Variants in DACH2 observed in about 807,000 individuals in gnomAD.
DACH2 encodes dachshund family transcription factor 2, also known as dachshund homolog 2.
DACH2 carries 17 observed loss-of-function variants against 35.8 expected under a neutral mutation model. The ratio of observed to expected loss-of-function variants is 0.48; its 90% confidence interval spans 0.33 to 0.71. The LOEUF is 0.71. DACH2 is among the 30% of genes least tolerant of loss of function. DACH2 has a pLI of 0.02. For synonymous variants in DACH2, 195 were observed against 177.3 expected (o/e 1.10, Z -0.79); for missense variants, 469 against 472.7 (o/e 0.99, Z 0.07).
intron 3 of DACH2, among the ~76,000 whole-genome samples, chrX:86,578,867 C>T (rs1304713695): frequency 9.0e-6 from 1 of 111,450 alleles, no homozygotes; most frequent in Non-Finnish European, 1.9e-5. Context: ...TGTATTCCCA[C>T]CAGTAATGTT....
intron 7 of DACH2, among the ~76,000 whole-genome samples, chrX:86,769,527 T>G (rs193112848): frequency 1.8e-4 from 20 of 111,687 alleles, no homozygotes; most frequent in Non-Finnish European, 3.8e-5. Context: ...ACATTACCAT[T>G]TTTCAAACTG....
chrX:86,728,484 A>C (rs1012536636), intron 6 of DACH2, among the ~76,000 whole-genome samples: 1 of 113,005 alleles, frequency 8.8e-6, no homozygotes, highest in South Asian at 3.6e-4. Flanking sequence ...CATTTGCTAG[A>C]CATATTTGCA....
In DACH2 at chrX:86,260,111, T is replaced by G. The variant is rs2033598980; in HGVS notation, c.488+111003T>G. On this transcript the variant is annotated intron_variant, in intron 1 of 11. Transcript: ENST00000373125. ...AGGTAAATGCTGTCTATACTCTTTT[T>G]TTGCAATATCAAACATATGATTAAT... 2.7e-5 allele frequency among the ~76,000 whole-genome samples: 3 copies of G among 111,135 alleles called. No homozygotes were observed. In the East Asian group the frequency reaches 8.5e-4, roughly 32 times the overall value.
intron 1 of DACH2, among the ~76,000 whole-genome samples, chrX:86,312,243 A>G (rs541869855): frequency 9.8e-5 from 11 of 111,954 alleles, no homozygotes; most frequent in African/African-American, 2.9e-4. Flanking sequence ...CTTTTCCTTT[A>G]TCATGTAACA....
chrX:86,648,258 C>G (rs2050196), intron 3 of DACH2, among the ~76,000 whole-genome samples: 13,620 of 111,038 alleles, frequency 0.12, 721 homozygotes, highest in East Asian at 0.33. Flanking sequence ...TTAAATGCAT[C>G]TTTTCATTTT....
chrX:86,502,017 T>TCCTTCCTTCCTC (rs1234190401), intron 2 of DACH2, among the ~76,000 whole-genome samples: 1 of 76,649 alleles, frequency 1.3e-5, no homozygotes, highest in Non-Finnish European at 2.7e-5. Flanking sequence ...CTTCTTTCCT[T>TCCTTCCTTCCTC]CCTTCCTTCC....
At chrX:86,516,960 G>C (rs983452136) in intron 3 of DACH2, among the ~76,000 whole-genome samples, 13 of 111,092 alleles carry the variant, frequency 1.2e-4, no homozygotes, top group African/African-American at 4.3e-4. Context: ...ATCTGTTATT[G>C]ATGGGCATTT....
chrX:86,312,076 G>A (rs753497492), intron 1 of DACH2, among the ~76,000 whole-genome samples: 44 of 111,591 alleles, frequency 3.9e-4, no homozygotes, highest in Non-Finnish European at 7.9e-4. Flanking sequence ...ACAGGAATAC[G>A]GAATGGGTAG....
intron 1 of DACH2, among the ~76,000 whole-genome samples, chrX:86,315,893 C>T (rs544979828): frequency 6.5e-5 from 7 of 107,674 alleles, no homozygotes; most frequent in African/African-American, 1.0e-4. Flanking sequence ...AGAAAAGAAC[C>T]GCTCTCTGTC....
intron 1 of DACH2, among the ~76,000 whole-genome samples, chrX:86,253,206 A>T (rs1390936466): frequency 4.5e-5 from 5 of 111,393 alleles, no homozygotes; most frequent in Non-Finnish European, 9.5e-5. Context: ...CTACATAGGA[A>T]TATACCTAAC....
intron 4 of DACH2, among the ~76,000 whole-genome samples, chrX:86,679,616 CTGTGTGTGTGTGTGTGT>C (rs1872149625): frequency 1.0e-5 from 1 of 96,284 alleles, no homozygotes; most frequent in Admixed American, 1.2e-4. Context: ...CTCTCTGTCT[CTGTGTGTGTGTGTGTGT>C]GTGTGTGTGT....
chrX:86,774,245 C>T (rs2042011274), intron 7 of DACH2, among the ~76,000 whole-genome samples: 1 of 111,524 alleles, frequency 9.0e-6, no homozygotes, highest in Non-Finnish European at 1.9e-5. Flanking sequence ...GCTTAAGTAT[C>T]TTCATCATAT....
intron 3 of DACH2, among the ~76,000 whole-genome samples, chrX:86,533,035 TG>T (rs1358500058): frequency 2.4e-4 from 27 of 111,168 alleles, no homozygotes; most frequent in East Asian, 2.3e-3. Flanking sequence ...TAACTTACAT[TG>T]TTTTATTTAT....
At chrX:86,807,015 A>G (rs750345871) in intron 7 of DACH2, among the ~76,000 whole-genome samples, 1 of 111,388 alleles carries the variant, frequency 9.0e-6, no homozygotes, top group Non-Finnish European at 1.9e-5. Context: ...CTTGACAATC[A>G]AACATGTCTG....
chrX:86,424,589 T>C (rs750007082), intron 2 of DACH2, among the ~76,000 whole-genome samples: 10 of 111,889 alleles, frequency 8.9e-5, no homozygotes, highest in African/African-American at 3.2e-4. Context: ...TTGTAGTCTT[T>C]AGGTTTTTCC....
At chrX:86,492,080 G>T (rs917958112) in intron 2 of DACH2, among the ~76,000 whole-genome samples, 1 of 111,156 alleles carries the variant, frequency 9.0e-6, no homozygotes, top group Non-Finnish European at 1.9e-5. Context: ...CATGTATGTG[G>T]AATCCTGCAG....
At chrX:86,181,223 A>C (rs2031482589) in intron 1 of DACH2, among the ~76,000 whole-genome samples, 1 of 109,484 alleles carries the variant, frequency 9.1e-6, no homozygotes, top group Non-Finnish European at 1.9e-5. Context: ...TCTGGGATAC[A>C]TGTGCAGAAC....
intron 6 of DACH2, among the ~76,000 whole-genome samples, chrX:86,737,538 C>G (rs756591653): frequency 9.0e-6 from 1 of 111,506 alleles, no homozygotes; most frequent in South Asian, 3.7e-4. Flanking sequence ...AATATGCATA[C>G]TACATTGATG....
intron 1 of DACH2, among the ~76,000 whole-genome samples, chrX:86,349,183 G>C (rs1235015036): frequency 9.0e-6 from 1 of 111,707 alleles, no homozygotes; most frequent in African/African-American, 3.3e-5. Context: ...GAGGTGGATG[G>C]GGAGGCCAGA....
Sources: allele counts gnomAD v4.1 joint callset (sites outside exome capture counted in the v4.1 genomes callset), GRCh38; gene constraint gnomAD v4.1.1; transcripts MANE v1.5; gene names NCBI Gene and HGNC (gene_info 2026-07-23, HGNC 2026-07-21).